DNER: variants seen among roughly 807,000 people sequenced by gnomAD.
DNER encodes delta and Notch-like epidermal growth factor-related receptor.
In DNER, 33 loss-of-function variants were observed where a neutral mutation model predicts 78.2. That is an observed-to-expected ratio of 0.42 (90% CI 0.32 to 0.56). DNER has a LOEUF of 0.56. DNER is among the 20% of genes least tolerant of loss of function. DNER has a pLI of 0.11. For synonymous variants in DNER, 417 were observed against 384.8 expected, an observed-to-expected ratio of 1.08 and a Z score of -0.98; for missense variants, 918 against 975.3, an observed-to-expected ratio of 0.94 and a Z score of 0.78.
intron 5 of DNER, among the ~76,000 whole-genome samples, chr2:229,544,777 G>A (rs1009673106): frequency 3.9e-5 from 6 of 152,018 alleles, no homozygotes; most frequent in Non-Finnish European, 8.8e-5. Context: ...CAGGTGATCC[G>A]CCAGCTTCAG....
intron 11 of DNER, among the ~76,000 whole-genome samples, chr2:229,369,897 ACAC>A (rs975151966): frequency 1.9e-4 from 29 of 152,076 alleles, no homozygotes; most frequent in African/African-American, 7.0e-4. Flanking sequence ...TACTTTACTC[ACAC>A]CACCACCACC....
At position 229,637,171 on chromosome 2, in the gene DNER, C is replaced by T. The variant is rs1698544337; in HGVS notation, c.277-45283G>A. Among the ~76,000 whole-genome samples the T allele has an allele frequency of 2.6e-5, 4 of 152,274 alleles. No homozygotes were observed. The South Asian group carries it at 8.3e-4, about 32-fold the overall frequency. On this transcript the variant is annotated intron_variant, in intron 1 of 12. Coordinates refer to ENST00000341772, the MANE Select transcript of DNER (RefSeq NM_139072.4). ...CATCCCCTCAACACACACACACATA[C>T]TTACATCTGTCATCAATCATTTAAT...
intron 1 of DNER, among the ~76,000 whole-genome samples, chr2:229,652,787 C>A (rs1228008130): frequency 6.6e-6 from 1 of 152,280 alleles, no homozygotes; most frequent in East Asian, 1.9e-4. Context: ...TTCAGCATGC[C>A]TAAAAATAGT....
intron 1 of DNER, among the ~76,000 whole-genome samples, chr2:229,682,258 TC>T (rs1200987674): frequency 6.6e-6 from 1 of 152,224 alleles, no homozygotes; most frequent in Non-Finnish European, 1.5e-5. Flanking sequence ...GGCTGAAACT[TC>T]CTAAGAAACC....
chr2:229,643,210 C>T (rs1363975451), intron 1 of DNER, among the ~76,000 whole-genome samples: 1 of 152,036 alleles, frequency 6.6e-6, no homozygotes, highest in Non-Finnish European at 1.5e-5. Context: ...GAGTGAGCCC[C>T]TGTCTCAAAA....
chr2:229,680,088 A>G (rs1699361315), intron 1 of DNER, among the ~76,000 whole-genome samples: 1 of 152,212 alleles, frequency 6.6e-6, no homozygotes, highest in Non-Finnish European at 1.5e-5. Flanking sequence ...GAATTCATTT[A>G]CCAAATCCTA....
intron 8 of DNER, among the ~76,000 whole-genome samples, chr2:229,423,566 G>A (rs1683821272): frequency 6.8e-6 from 1 of 147,972 alleles, no homozygotes; most frequent in Admixed American, 6.8e-5. Context: ...AGTGCACCAA[G>A]ATTGTGCCAC....
At chr2:229,574,438 A>G (rs1161645580) in intron 4 of DNER, among the ~76,000 whole-genome samples, 1 of 152,116 alleles carries the variant, frequency 6.6e-6, no homozygotes, top group Non-Finnish European at 1.5e-5. Context: ...AGAGATTTAT[A>G]TTTATTAACA....
Position 229,397,870 on chromosome 2 carries a change from G to A in DNER, c.1723+9362C>T, listed in dbSNP as rs543705461. Among the ~76,000 whole-genome samples the A allele has an allele frequency of 3.3e-5, 5 of 152,236 alleles. No individual in the cohort carries two copies. In the South Asian group the frequency reaches 1.0e-3, roughly 32 times the overall value. ...ATAAACTTTGTGAGATACAGCCAAAGCAGTACTGAGGGGGAAATTTATAGC... is the reference window on the plus strand; with the variant it reads ...ATAAACTTTGTGAGATACAGCCAAAACAGTACTGAGGGGGAAATTTATAGC... On this transcript the variant is annotated intron_variant, in intron 10 of 12. Coordinates refer to ENST00000341772, the MANE Select transcript of DNER (RefSeq NM_139072.4).
intron 2 of DNER, among the ~76,000 whole-genome samples, chr2:229,589,706 C>CT (rs1697565951): frequency 6.6e-6 from 1 of 152,022 alleles, no homozygotes; most frequent in Non-Finnish European, 1.5e-5. Context: ...GAGAAATTTT[C>CT]TTTTAAAGGA....
chr2:229,358,384 T>TC lies in DNER; in HGVS notation c.*155_*156insG, dbSNP rs1692136261. 3 of 620,592 alleles carry TC rather than the reference T, an allele frequency of 4.8e-6. No homozygotes were observed. The Admixed American group carries it at 1.0e-4, about 22-fold the overall frequency. The allele number at this position is 620,592 out of a possible 1,614,324, so 38.4% of individuals were successfully genotyped here. On this transcript the variant is annotated 3_prime_UTR_variant, in exon 13 of 13. Coordinates refer to ENST00000341772, the MANE Select transcript of DNER (RefSeq NM_139072.4). ...TCACAAATTTTGTTTTTAAAATATT[T>TC]TTTCCAAACTAAAAGCTGCAGAAAA...
intron 1 of DNER, among the ~76,000 whole-genome samples, chr2:229,621,209 A>G (rs752869619): frequency 1.2e-4 from 19 of 152,234 alleles, no homozygotes; most frequent in Non-Finnish European, 2.6e-4. Flanking sequence ...GCCTACCATC[A>G]GAAATTACTG....
intron 10 of DNER, among the ~76,000 whole-genome samples, chr2:229,391,532 ATTCTTTT>A (rs766207249): frequency 7.2e-4 from 109 of 152,054 alleles, no homozygotes; most frequent in African/African-American, 2.4e-3. Context: ...ATCTTTTATA[ATTCTTTT>A]TTCTTTTTTC....
chr2:229,562,529 T>C (rs1000196215), intron 4 of DNER, among the ~76,000 whole-genome samples: 1 of 152,200 alleles, frequency 6.6e-6, no homozygotes, highest in African/African-American at 2.4e-5. Flanking sequence ...ACAGAAGTGG[T>C]AATTGCCCAT....
intron 4 of DNER, among the ~76,000 whole-genome samples, chr2:229,566,886 A>G (rs1166359461): frequency 6.6e-6 from 1 of 152,174 alleles, no homozygotes; most frequent in Non-Finnish European, 1.5e-5. Context: ...ATCCTACACC[A>G]GGATAAATGT....
intron 7 of DNER, among the ~76,000 whole-genome samples, chr2:229,461,937 T>A (rs1170727776): frequency 6.6e-6 from 1 of 152,058 alleles, no homozygotes; most frequent in African/African-American, 2.4e-5. Flanking sequence ...CCAAGAGATT[T>A]CAAACAACTG....
At chr2:229,399,083 A>T (rs1305832558) in intron 10 of DNER, among the ~76,000 whole-genome samples, 2 of 152,014 alleles carry the variant, frequency 1.3e-5, no homozygotes, top group African/African-American at 4.8e-5. Flanking sequence ...AAGACAAAAA[A>T]TAAAATTTAT....
At chr2:229,496,958 C>G (rs1012575926) in intron 6 of DNER, among the ~76,000 whole-genome samples, 49 of 152,130 alleles carry the variant, frequency 3.2e-4, no homozygotes, top group African/African-American at 1.1e-3. Context: ...ATGGACCTAA[C>G]AGTTATATAC....
At chr2:229,426,169 C>T (rs1269778063) in intron 8 of DNER, among the ~76,000 whole-genome samples, 1 of 152,018 alleles carries the variant, frequency 6.6e-6, no homozygotes, top group South Asian at 2.1e-4. Context: ...GGGCCGGGCG[C>T]GGTGGTTCAC....
Sources: gnomAD v4.1 joint callset for allele counts (sites outside exome capture counted in the v4.1 genomes callset) on GRCh38, gnomAD v4.1.1 for gene constraint, MANE v1.5 for transcripts, NCBI Gene and HGNC (gene_info 2026-07-23, HGNC 2026-07-21) for gene names.